The following SLC30A8 variants were observed in gnomAD, a reference collection of about 807,000 sequenced individuals.
SLC30A8 encodes solute carrier family 30 member 8.
SLC30A8 carries 27 observed loss-of-function variants against 36.9 expected under a neutral mutation model. That is an observed-to-expected ratio of 0.73 (90% CI 0.54 to 1.01). The LOEUF is 1.01. Among genes scored for constraint, SLC30A8 ranks in the 50% least tolerant of loss-of-function variants. The pLI is 0.00. For synonymous variants in SLC30A8, 164 were observed against 172.4 expected, an observed-to-expected ratio of 0.95 and a Z score of 0.38; for missense variants, 439 against 452.0, an observed-to-expected ratio of 0.97 and a Z score of 0.26.
rs192959370 is a variant in SLC30A8 at position 117,078,806 on chromosome 8, A to G, written c.-226+39548A>G. Among the ~76,000 whole-genome samples the G allele has an allele frequency of 3.6e-3, 554 of 152,080 alleles. 2 individuals are homozygous for G. Among genetic ancestry groups the G allele is most frequent in the African/African-American group, 0.012 (502 of 41,518 alleles). Reference sequence around the variant, plus strand: ...GGGCGCAGGTGGTCCTCCCACCTCAATCTCCCGAGTGGCTGGGATTATAGG... The same window carrying G: ...GGGCGCAGGTGGTCCTCCCACCTCAGTCTCCCGAGTGGCTGGGATTATAGG... On this transcript the variant is annotated intron_variant, in intron 2 of 10. Transcript: ENST00000427715.
chr8:116,977,827 T>C (rs535208092), intron 1 of SLC30A8, among the ~76,000 whole-genome samples: 4 of 152,226 alleles, frequency 2.6e-5, no homozygotes, highest in South Asian at 2.1e-4. Flanking sequence ...CCACTTTCTA[T>C]TGGATGTGGG....
intron 1 of SLC30A8, among the ~76,000 whole-genome samples, chr8:117,138,753 G>C (rs78656420): frequency 0.017 from 2,645 of 151,924 alleles, 26 homozygotes; most frequent in Middle Eastern, 0.027. Flanking sequence ...AAAGACTAGG[G>C]ACTACGATCC....
intron 2 of SLC30A8, among the ~76,000 whole-genome samples, chr8:117,060,130 C>T (rs756839699): frequency 2.0e-5 from 3 of 152,076 alleles, no homozygotes. Flanking sequence ...GCAGGACATG[C>T]AGGCTGAGCA....
chr8:117,131,335 T>C (rs1003079817), upstream of SLC30A8, among the ~76,000 whole-genome samples: 6 of 152,048 alleles, frequency 3.9e-5, no homozygotes, highest in African/African-American at 1.4e-4. Flanking sequence ...ACCATAAAGC[T>C]ACCTTGCTAA....
At chr8:117,140,164 C>T (rs1452982631) in intron 1 of SLC30A8, among the ~76,000 whole-genome samples, 1 of 151,932 alleles carries the variant, frequency 6.6e-6, no homozygotes, top group Non-Finnish European at 1.5e-5. Context: ...GAAAGAATCA[C>T]TGAACTTGAA....
intron 1 of SLC30A8, among the ~76,000 whole-genome samples, chr8:116,997,203 A>T (rs1319734403): frequency 6.6e-6 from 1 of 152,190 alleles, no homozygotes; most frequent in Non-Finnish European, 1.5e-5. Flanking sequence ...AAGCATGATC[A>T]TCTAGGGGCT....
chr8:116,966,354 C>T (rs1036327832), intron 1 of SLC30A8, among the ~76,000 whole-genome samples: 2 of 152,044 alleles, frequency 1.3e-5, no homozygotes, highest in Admixed American at 6.6e-5. Flanking sequence ...ATATGCGACC[C>T]GTAGATATCT....
At chr8:117,067,476 C>A (rs1268752386) in intron 2 of SLC30A8, among the ~76,000 whole-genome samples, 1 of 151,916 alleles carries the variant, frequency 6.6e-6, no homozygotes, top group Non-Finnish European at 1.5e-5. Flanking sequence ...GGTTTTGTGA[C>A]TTCTATGGGC....
intron 1 of SLC30A8, among the ~76,000 whole-genome samples, chr8:116,957,096 A>C (rs1383350862): frequency 6.6e-6 from 1 of 152,222 alleles, no homozygotes. Context: ...ATGGTCTTAC[A>C]CATAAAAAAG....
At chr8:117,145,192 T>G (rs1210484461) in intron 1 of SLC30A8, among the ~76,000 whole-genome samples, 4 of 152,152 alleles carry the variant, frequency 2.6e-5, no homozygotes, top group African/African-American at 9.6e-5. Flanking sequence ...TATTTATTAA[T>G]TATTCTAGCA....
chr8:117,146,837 A>G, intron 1 of SLC30A8, 117 bp from the exon 2 acceptor site: 1 of 1,475,108 alleles, frequency 6.8e-7, no homozygotes, highest in African/African-American at 1.4e-5. Flanking sequence ...GCAAATGAAC[A>G]CTTCATAGCA....
rs756021398 is a variant in SLC30A8, at chr8:117,174,903, A to AT, written c.*2226dup. The AT allele has an allele frequency of 6.6e-6, 1 of 152,130 alleles. No individual in the cohort carries two copies. Among genetic ancestry groups the AT allele is most frequent in the Non-Finnish European group, 1.5e-5 (1 of 67,978 alleles). The allele number at this position is 152,130 out of a possible 1,614,324, so 9.4% of individuals were successfully genotyped here. On this transcript the variant is annotated 3_prime_UTR_variant, in exon 8 of 8. Coordinates refer to ENST00000456015, the MANE Select transcript of SLC30A8 (RefSeq NM_173851.3). Reference sequence around the variant, plus strand: ...AAATGCAAGACAATCTACAAGGGAGATTTTAAGGATTTTGAGATGAAAAAA... The same window carrying AT: ...AAATGCAAGACAATCTACAAGGGAGATTTTTAAGGATTTTGAGATGAAAAAA...
Position 117,114,145 on chromosome 8 carries a change from G to C in SLC30A8, c.-225-21135G>C, listed in dbSNP as rs113453679. Among the ~76,000 whole-genome samples, 474 of 152,196 alleles carry C rather than the reference G, an allele frequency of 3.1e-3. 1 individual carries two copies. The highest frequency in any genetic ancestry group is 0.011 in the African/African-American group (454 of 41,554). Reference sequence around the variant, plus strand: ...GGAGAATTCAGACACACAGCACTTAGAACAGAAGCTCTTTTTCTTTCCAAA... The same window carrying C: ...GGAGAATTCAGACACACAGCACTTACAACAGAAGCTCTTTTTCTTTCCAAA... On this transcript the variant is annotated intron_variant, in intron 2 of 10. Coordinates refer to the SLC30A8 transcript ENST00000427715.
At chr8:117,033,925 TA>T (rs1451943702) in intron 1 of SLC30A8, among the ~76,000 whole-genome samples, 1 of 152,164 alleles carries the variant, frequency 6.6e-6, no homozygotes, top group East Asian at 1.9e-4. Flanking sequence ...TTTCCTAAGC[TA>T]AAAAAGGCAA....
At chr8:117,084,648 C>T (rs567642458) in intron 2 of SLC30A8, among the ~76,000 whole-genome samples, 7 of 152,178 alleles carry the variant, frequency 4.6e-5, no homozygotes, top group East Asian at 1.9e-4. Flanking sequence ...AATAAACCCC[C>T]GGACTTTTGT....
At chr8:117,126,164 A>G (rs1204181777) in intron 2 of SLC30A8, among the ~76,000 whole-genome samples, 1 of 151,952 alleles carries the variant, frequency 6.6e-6, no homozygotes, top group Non-Finnish European at 1.5e-5. Flanking sequence ...CTTTTTCTCC[A>G]TGTTAGTTGA....
chr8:117,137,194 C>T (rs1320291998), intron 1 of SLC30A8, among the ~76,000 whole-genome samples: 1 of 151,730 alleles, frequency 6.6e-6, no homozygotes, highest in African/African-American at 2.4e-5. Flanking sequence ...GGTCACATGT[C>T]CCTGAATTCC....
At chr8:117,084,984 G>A (rs1285098753) in intron 2 of SLC30A8, among the ~76,000 whole-genome samples, 2 of 152,096 alleles carry the variant, frequency 1.3e-5, no homozygotes, top group Admixed American at 6.6e-5. Context: ...CAAACCCAAA[G>A]AGATTGATTT....
At chr8:117,107,885 T>C (rs1157339653) in intron 2 of SLC30A8, among the ~76,000 whole-genome samples, 1 of 152,158 alleles carries the variant, frequency 6.6e-6, no homozygotes, top group Non-Finnish European at 1.5e-5. Flanking sequence ...TTATAATAAA[T>C]GTAGCAAAAC....
Sources: allele counts gnomAD v4.1 joint callset (sites outside exome capture counted in the v4.1 genomes callset), GRCh38; gene constraint gnomAD v4.1.1; transcripts MANE v1.5; gene names NCBI Gene and HGNC (gene_info 2026-07-23, HGNC 2026-07-21).